The following ROBO1 variants were observed in gnomAD, a reference collection of about 807,000 sequenced individuals.
ROBO1 encodes the protein roundabout homolog 1.
A neutral mutation model predicts 195.9 loss-of-function variants in ROBO1; 149 were observed. The observed-to-expected ratio is 0.76, with a 90% CI of 0.67 to 0.87. The LOEUF (loss-of-function observed/expected upper bound fraction) is 0.87. Ranked by LOEUF, ROBO1 falls within the 40% of genes least tolerant of loss-of-function variation. The pLI is 0.00. For synonymous variants in ROBO1, 816 were observed against 733.2 expected (o/e 1.11, Z -1.82); for missense variants, 1,933 against 2,068.3 (o/e 0.93, Z 1.27).
At chr3:79,006,298 T>A (rs371967888) in intron 3 of ROBO1, among the ~76,000 whole-genome samples, 2 of 152,164 alleles carry the variant, frequency 1.3e-5, no homozygotes, top group Non-Finnish European at 2.9e-5. Context: ...AGTAAGCCAT[T>A]ATGTAAACAT....
chr3:78,943,195 G>A (rs557710046), intron 3 of ROBO1, among the ~76,000 whole-genome samples: 13 of 152,264 alleles, frequency 8.5e-5, no homozygotes, highest in African/African-American at 1.7e-4. Context: ...CAGCCTGGGC[G>A]ACAGAGAGAG....
chr3:79,292,234 G>C (rs892349496), intron 2 of ROBO1, among the ~76,000 whole-genome samples: 3 of 152,210 alleles, frequency 2.0e-5, no homozygotes, highest in African/African-American at 7.2e-5. Context: ...TTTGTAACCT[G>C]AGACTTTGCT....
intron 17 of ROBO1, 108 bp from the exon 18 acceptor site, chr3:78,657,377 C>A: frequency 9.5e-7 from 1 of 1,052,910 alleles, no homozygotes. Flanking sequence ...AACTGTCATG[C>A]ACTACCATAA....
chr3:79,328,891 C>T lies in ROBO1; in HGVS notation c.89-203352G>A, dbSNP rs539928738. On this transcript the variant is annotated intron_variant, in intron 2 of 30. Coordinates refer to ENST00000464233, the MANE Select transcript of ROBO1 (RefSeq NM_002941.4). ...TTAGCTCCAACTAAGTGAGAACATACGATATTAGGTTTCCATTCCTGAGTT... is the reference window on the plus strand; with the variant it reads ...TTAGCTCCAACTAAGTGAGAACATATGATATTAGGTTTCCATTCCTGAGTT... Among the ~76,000 whole-genome samples the T allele has an allele frequency of 2.6e-5, 4 of 151,920 alleles. No individual in the cohort carries two copies. In the East Asian group the frequency reaches 7.8e-4, roughly 30 times the overall value.
chr3:78,704,408 T>A (rs1334154954), intron 8 of ROBO1, among the ~76,000 whole-genome samples: 1 of 149,764 alleles, frequency 6.7e-6, no homozygotes, highest in African/African-American at 2.6e-5. Flanking sequence ...TAGTGAACTC[T>A]ATTTATGGAA....
chr3:79,270,220 T>TCTCA (rs1553710492), intron 2 of ROBO1, among the ~76,000 whole-genome samples: 3 of 140,280 alleles, frequency 2.1e-5, no homozygotes, highest in African/African-American at 5.1e-5. Flanking sequence ...TCTCTCTCTC[T>TCTCA]CACATACACA....
At chr3:79,222,509 A>G (rs1029126134) in intron 2 of ROBO1, among the ~76,000 whole-genome samples, 2 of 152,068 alleles carry the variant, frequency 1.3e-5, no homozygotes, top group Non-Finnish European at 2.9e-5. Context: ...ATAACATAAA[A>G]TACCTTTCAT....
intron 2 of ROBO1, among the ~76,000 whole-genome samples, chr3:79,365,758 G>T (rs1251306217): frequency 1.3e-5 from 2 of 151,946 alleles, no homozygotes. Context: ...TTATCCGGGC[G>T]TGGTGGCGGG....
rs150431744 is a variant in ROBO1, at chr3:79,054,647, T to C, written c.172+70809A>G. ...GTCAACTTGGTCATACTCGTAAAAA[T>C]TGCACTTAAAAACTTAAAAGCGGCC... On this transcript the variant is annotated intron_variant, in intron 3 of 30. Transcript: ENST00000464233. 2.1e-3 allele frequency among the ~76,000 whole-genome samples: 313 copies of C among 152,162 alleles called. 2 individuals carry two copies. Among genetic ancestry groups the C allele is most frequent in the Middle Eastern group, 0.01 (3 of 294 alleles).
At chr3:79,137,601 C>CT (rs1412992276) in intron 2 of ROBO1, among the ~76,000 whole-genome samples, 19 of 151,956 alleles carry the variant, frequency 1.3e-4, no homozygotes, top group Admixed American at 1.2e-3. Context: ...TTATGTAATG[C>CT]TTACAGTTCT....
chr3:79,674,856 G>A (rs1448710694), intron 1 of ROBO1, among the ~76,000 whole-genome samples: 5 of 151,600 alleles, frequency 3.3e-5, no homozygotes, highest in Non-Finnish European at 5.9e-5. Context: ...GTGTGTGTGT[G>A]TGTGTGTGTG....
intron 3 of ROBO1, among the ~76,000 whole-genome samples, chr3:79,045,536 C>T (rs2078574974): frequency 1.3e-5 from 2 of 151,920 alleles, no homozygotes; most frequent in South Asian, 4.2e-4. Flanking sequence ...ATATGAAATG[C>T]AATATAAATA....
chr3:79,619,207 T>G (rs1205537736), intron 1 of ROBO1, among the ~76,000 whole-genome samples: 2 of 152,128 alleles, frequency 1.3e-5, no homozygotes, highest in African/African-American at 4.8e-5. Flanking sequence ...GGCAAGTCAA[T>G]TGTGGGGACA....
At chr3:79,448,062 G>C (rs2039323993) in intron 2 of ROBO1, among the ~76,000 whole-genome samples, 1 of 152,164 alleles carries the variant, frequency 6.6e-6, no homozygotes, top group Admixed American at 6.5e-5. Flanking sequence ...TATATAAGTT[G>C]AGAAATTTAT....
intron 2 of ROBO1, among the ~76,000 whole-genome samples, chr3:79,273,455 G>A (rs965046541): frequency 2.6e-5 from 4 of 151,850 alleles, no homozygotes; most frequent in Non-Finnish European, 4.4e-5. Context: ...TTAAATAATG[G>A]GTTGTAAGAT....
chr3:78,684,765 T>C (rs1308847025), intron 10 of ROBO1, among the ~76,000 whole-genome samples: 1 of 152,152 alleles, frequency 6.6e-6, no homozygotes, highest in Non-Finnish European at 1.5e-5. Flanking sequence ...GATTCTAATT[T>C]AGAAAGCAAC....
chr3:78,827,101 A>G (rs1461810581), intron 4 of ROBO1, among the ~76,000 whole-genome samples: 1 of 152,242 alleles, frequency 6.6e-6, no homozygotes, highest in South Asian at 2.1e-4. Flanking sequence ...ATAGACATGT[A>G]GAAAGTTAAT....
chr3:79,499,322 G>T (rs893359234), intron 2 of ROBO1, among the ~76,000 whole-genome samples: 3 of 152,148 alleles, frequency 2.0e-5, no homozygotes, highest in African/African-American at 7.2e-5. Context: ...AACAATTTAA[G>T]CTGGCTAAGT....
At chr3:79,229,199 T>C (rs1469306954) in intron 2 of ROBO1, among the ~76,000 whole-genome samples, 4 of 152,288 alleles carry the variant, frequency 2.6e-5, no homozygotes, top group Non-Finnish European at 5.9e-5. Flanking sequence ...TCTAAATGCA[T>C]TGCTTTATTT....
Sources: allele counts gnomAD v4.1 joint callset (sites outside exome capture counted in the v4.1 genomes callset), GRCh38; gene constraint gnomAD v4.1.1; transcripts MANE v1.5; gene names NCBI Gene and HGNC (gene_info 2026-07-23, HGNC 2026-07-21).